Variants in DELE1 observed in about 807,000 individuals in gnomAD.
DELE1 encodes the protein death ligand signal enhancer.
DELE1 carries 54 observed loss-of-function variants against 59.3 expected under a neutral mutation model. That is an observed-to-expected ratio of 0.91 (90% CI 0.73 to 1.14). DELE1 has a LOEUF of 1.14. Among genes scored for constraint, DELE1 ranks in the 50% most tolerant of loss-of-function variants. The probability of loss-of-function intolerance (pLI) is 0.00; values close to 1 mark genes in which losing one functional copy is unlikely to be tolerated. For synonymous variants in DELE1, 264 were observed against 259.1 expected (o/e 1.02, Z -0.18); for missense variants, 636 against 643.9 (o/e 0.99, Z 0.13).
In DELE1 at chr5:141,930,226, A is replaced by T. The variant is rs1751793971; in HGVS notation, c.706A>T (p.Ile236Phe). 6.2e-7 allele frequency: 1 copy of T among 1,613,956 alleles called. No homozygotes were observed. Among genetic ancestry groups the T allele is most frequent in the Non-Finnish European group, 8.5e-7 (1 of 1,179,944 alleles). ...TLSLEEAVTSIQQLFQLSVSI... is the reference protein window; with the variant it reads ...TLSLEEAVTSFQQLFQLSVSI... ...TTCCCTTGAGGAGGCTGTGACTTCC[A>T]TTCAGCAGCTCTTCCAGCTCAGTGT... is the stretch of plus-strand genomic sequence containing the variant. The change falls in exon 7 of 12, where the codon ATT (isoleucine) becomes TTT (phenylalanine). Residue 236 changes from isoleucine (I) to phenylalanine (F), a missense_variant. Transcript: ENST00000432126.
rs929890322 is a variant in DELE1 at position 141,925,614 on chromosome 5, T to G, written c.264+87T>G. 9.6e-6 allele frequency: 7 copies of G among 731,238 alleles called. No individual in the cohort carries two copies. In the Admixed American group the frequency reaches 2.1e-4, roughly 21 times the overall value. 45.3% of individuals were successfully genotyped at this position (731,238 alleles called of 1,614,324 possible). On this transcript the variant is annotated intron_variant, in intron 3 of 11. Coordinates refer to ENST00000432126, the MANE Select transcript of DELE1 (RefSeq NM_014773.5). Reference sequence around the variant, plus strand: ...ATACAGCCGAACCTGGAACAAGGGCTAGGGAATCACTGTGTCCATTTAACA... The same window carrying G: ...ATACAGCCGAACCTGGAACAAGGGCGAGGGAATCACTGTGTCCATTTAACA...
chr5:141,933,914 T>C (rs1468369292), intron 8 of DELE1: 1 of 184,280 alleles, frequency 5.4e-6, no homozygotes, highest in Non-Finnish European at 1.1e-5. Flanking sequence ...TCTCTCTCTC[T>C]GCCCCCCCCC....
In DELE1 at chr5:141,941,026, G is replaced by T. The variant is rs893216746; in HGVS notation, c.*2267G>T. On this transcript the variant is annotated 3_prime_UTR_variant, in exon 12 of 12. Coordinates refer to ENST00000432126, the MANE Select transcript of DELE1 (RefSeq NM_014773.5). ...CCAATGTTTTCTCTCACTGAATTGA[G>T]CCCAGAGCCCGTTTCCCTACAGATT... 1.2e-4 allele frequency: 117 copies of T among 985,290 alleles called. No homozygotes were observed. Among genetic ancestry groups the T allele is most frequent in the Admixed American group, 3.7e-4 (6 of 16,262 alleles). The allele number at this position is 985,290 out of a possible 1,614,324, so 61.0% of individuals were successfully genotyped here.
rs771820349 is a variant in DELE1 at position 141,938,524 on chromosome 5, C to T, written c.1313C>T (p.Pro438Leu). 21 of 1,613,586 alleles carry T rather than the reference C, an allele frequency of 1.3e-5. No individual in the cohort carries two copies. The highest frequency in any genetic ancestry group is 9.9e-5 in the South Asian group (9 of 91,048). Residue 438 changes from proline (P) to leucine (L), a missense_variant, in exon 12 of 12, where the codon CCG becomes CTG. Physicochemically the swap from Pro to Leu is moderately conservative, Grantham distance 98. Transcript: ENST00000432126. ...TTGCTCTCACCTCTTCTTGTAGCCC[C>T]GGGGCCCAGCGACCTGACAGTTACA... Reference protein sequence around the residue: ...RALFSMGAAAPGPSDLTVTGL... With the variant: ...RALFSMGAAALGPSDLTVTGL...
intron 10 of DELE1, chr5:141,934,899 AT>A: frequency 2.6e-6 from 1 of 378,604 alleles, no homozygotes; most frequent in Non-Finnish European, 4.9e-6. Context: ...GTTGTTCAAC[AT>A]TTACCAGCAC....
Position 141,933,319 on chromosome 5 carries a change from C to T in DELE1, c.815C>T (p.Ala272Val). The change falls in exon 8 of 12, where the codon GCA becomes GTA. Residue 272 changes from alanine (A) to valine (V), a missense_variant. Transcript: ENST00000432126. Reference protein sequence around the residue: ...TAAFSYFQKAAARGYSKAQYN... With the variant: ...TAAFSYFQKAVARGYSKAQYN... The stretch of plus-strand genomic sequence containing the variant: ...GCCTTTTCTTACTTCCAGAAAGCTG[C>T]AGCCCGCGGCTACAGCAAAGCGCAG... 4 of 1,569,300 alleles carry T rather than the reference C, an allele frequency of 2.5e-6. No homozygotes were observed. Among genetic ancestry groups the T allele is most frequent in the Non-Finnish European group, 3.5e-6 (4 of 1,148,032 alleles).
chr5:141,934,212 C>T (rs375992685), intron 8 of DELE1, 28 bp from the exon 9 acceptor site: 11 of 1,570,272 alleles, frequency 7.0e-6, no homozygotes, highest in Admixed American at 5.5e-5. Context: ...AGTTGCCAGC[C>T]GACTGGGTGT....
intron 3 of DELE1, among the ~76,000 whole-genome samples, chr5:141,926,609 G>A (rs1413723268): frequency 6.6e-6 from 1 of 152,214 alleles, no homozygotes; most frequent in Admixed American, 6.5e-5. Context: ...CTTTCGTGCT[G>A]TGTACTTTGG....
At chr5:141,924,961 T>C (rs1490880379) in intron 2 of DELE1, among the ~76,000 whole-genome samples, 1 of 151,906 alleles carries the variant, frequency 6.6e-6, no homozygotes, top group Non-Finnish European at 1.5e-5. Flanking sequence ...AGAGTCTCGC[T>C]CTGTCGCCCA....
chr5:141,928,202 G>T lies in DELE1; in HGVS notation c.316G>T (p.Ala106Ser). The part of the protein sequence containing the change: ...LQLARQIHFQ[A>S]SLPAGPQRVE... ...GCTGGCAAGGCAGATCCACTTCCAG[G>T]CATCCCTGCCAGCAGGACCTCAGCG... The change falls in exon 4 of 12, where the codon GCA becomes TCA. Residue 106 changes from alanine (A) to serine (S), a missense_variant. Ala to Ser is a moderately conservative substitution (Grantham distance 99). Transcript: ENST00000432126. 6.2e-7 allele frequency: 1 copy of T among 1,614,170 alleles called. No homozygotes were observed. The highest frequency in any genetic ancestry group is 1.1e-5 in the South Asian group (1 of 91,082).
At chr5:141,935,688 TC>T (rs1412615893) in intron 10 of DELE1, among the ~76,000 whole-genome samples, 2 of 152,146 alleles carry the variant, frequency 1.3e-5, no homozygotes, top group Non-Finnish European at 2.9e-5. Flanking sequence ...CACAGAGCCT[TC>T]CAAAGTTGGG....
Position 141,938,550 on chromosome 5 carries a change from G to A in DELE1, c.1339G>A (p.Gly447Arg). 1 of 1,614,096 alleles carries A rather than the reference G, an allele frequency of 6.2e-7. No individual in the cohort carries two copies. The highest frequency in any genetic ancestry group is 8.5e-7 in the Non-Finnish European group (1 of 1,179,996). The change falls in exon 12 of 12, where the codon GGA becomes AGA. Residue 447 changes from glycine (G) to arginine (R), a missense_variant. Physicochemically the swap from Gly to Arg is moderately radical, Grantham distance 125. Coordinates refer to ENST00000432126, the MANE Select transcript of DELE1 (RefSeq NM_014773.5). The stretch of plus-strand genomic sequence containing the variant: ...GGGGCCCAGCGACCTGACAGTTACA[G>A]GACTGAAGTCTTTCTCCAGCCCCTC... ...APGPSDLTVT[G>R]LKSFSSPSLC...
rs1416146224 is a variant in DELE1 at position 141,928,316 on chromosome 5, G to A, written c.412+18G>A. On this transcript the variant is annotated intron_variant, in intron 4 of 11. Transcript: ENST00000432126. ...ATGCTCCTGTGAGTTCTCAGTCCTG[G>A]GGACAGGAGGGCTGGGCTGGGCGTT... The A allele has an allele frequency of 6.2e-7, 1 of 1,610,530 alleles. No individual in the cohort carries two copies. The highest frequency in any genetic ancestry group is 8.5e-7 in the Non-Finnish European group (1 of 1,178,010).
intron 11 of DELE1, 25 bp from the exon 12 acceptor site, chr5:141,938,496 G>C (rs766659614): frequency 1.2e-6 from 2 of 1,609,424 alleles, no homozygotes; most frequent in Non-Finnish European, 8.5e-7. Context: ...GCAAGAGTAA[G>C]AGTTGCTCTC....
intron 10 of DELE1, chr5:141,936,884 C>T (rs1752403437): frequency 1.0e-6 from 1 of 985,262 alleles, no homozygotes; most frequent in African/African-American, 1.7e-5. Context: ...CCCAGGTTTG[C>T]TATAACTGGC....
rs113231243 is a variant in DELE1, at chr5:141,938,806, G to A, written c.*47G>A. ...TGGTGCCTCTTAGGGGCCAGAGCGG[G>A]CAGGAGGTTGGATAACAAAAATAGA... On this transcript the variant is annotated 3_prime_UTR_variant, in exon 12 of 12. Transcript: ENST00000432126. The A allele has an allele frequency of 3.2e-3, 4,976 of 1,547,138 alleles. 110 individuals carry two copies. In the African/African-American group the frequency reaches 0.053, roughly 16 times the overall value.
At chr5:141,927,263 C>G (rs57371256) in intron 3 of DELE1, among the ~76,000 whole-genome samples, 9,170 of 152,106 alleles carry the variant, frequency 0.06, 919 homozygotes, top group African/African-American at 0.21. Context: ...CGCAGTGGTG[C>G]GATCCTGGCT....
Position 141,934,372 on chromosome 5 carries a change from C to T in DELE1, c.1030C>T (p.Gln344Ter), listed in dbSNP as rs758907361. The T allele has an allele frequency of 2.5e-6, 4 of 1,614,236 alleles. No homozygotes were observed. The highest frequency in any genetic ancestry group is 1.7e-5 in the Admixed American group (1 of 60,028). Reference sequence around the variant, plus strand: ...GCAGAGGGCAGTGTCCTTGCTGAAGCAGGCTGCAGACTCAGGCTTGAGAGA... The same window carrying T: ...GCAGAGGGCAGTGTCCTTGCTGAAGTAGGCTGCAGACTCAGGCTTGAGAGA... ...ERQRAVSLLK[Q>*]AADSGLREAQ... The change falls in exon 9 of 12, where the codon CAG becomes TAG. Residue 344 changes from glutamine to a stop codon, truncating the protein, a stop_gained. Coordinates refer to ENST00000432126, the MANE Select transcript of DELE1 (RefSeq NM_014773.5). LOFTEE classifies it high-confidence loss of function.
chr5:141,932,137 C>T (rs548426112), intron 7 of DELE1, among the ~76,000 whole-genome samples: 29 of 152,104 alleles, frequency 1.9e-4, no homozygotes, highest in African/African-American at 6.8e-4. Context: ...GAGTGTGGTC[C>T]GAAGGTTTAG....
Sources: allele counts gnomAD v4.1 joint callset (sites outside exome capture counted in the v4.1 genomes callset), GRCh38; gene constraint gnomAD v4.1.1; transcripts MANE v1.5; gene names NCBI Gene and HGNC (gene_info 2026-07-23, HGNC 2026-07-21).